The following L2HGDH variants were observed in gnomAD, a reference collection of about 807,000 sequenced individuals.
The protein encoded by L2HGDH is L-2-hydroxyglutarate dehydrogenase, mitochondrial.
In L2HGDH, 34 loss-of-function variants were observed where a neutral mutation model predicts 51.5. The ratio of observed to expected loss-of-function variants is 0.66; its 90% CI spans 0.50 to 0.88. The LOEUF (loss-of-function observed/expected upper bound fraction) is 0.88, where lower values mean the gene tolerates loss of function less well. L2HGDH is among the 40% of genes least tolerant of loss of function. The pLI is 0.00. For synonymous variants in L2HGDH, 198 were observed against 197.9 expected (o/e 1.00, Z -0.01); for missense variants, 558 against 571.9 (o/e 0.98, Z 0.25).
intron 7 of L2HGDH, among the ~76,000 whole-genome samples, chr14:50,268,893 G>A (rs17122336): frequency 0.032 from 4,812 of 152,212 alleles, 245 homozygotes; most frequent in African/African-American, 0.11. Context: ...CCAGAGAGAA[G>A]GTAGAATTCA....
chr14:50,253,126 A>G (rs1226902684), intron 9 of L2HGDH, among the ~76,000 whole-genome samples: 1 of 152,098 alleles, frequency 6.6e-6, no homozygotes, highest in South Asian at 2.1e-4. Flanking sequence ...ATCAATCACA[A>G]GAGGAATTTT....
In L2HGDH at chr14:50,244,793, C is replaced by G; in HGVS notation, c.*2265G>C. On this transcript the variant is annotated 3_prime_UTR_variant, in exon 10 of 10. Coordinates refer to ENST00000267436, the MANE Select transcript of L2HGDH (RefSeq NM_024884.3). The stretch of plus-strand genomic sequence containing the variant: ...AAAACAGAAACATTTTTCCTATCAA[C>G]CAAAATGCACATCCTTCTCACCCAT... 7 of 985,318 alleles carry G rather than the reference C, an allele frequency of 7.1e-6. No homozygotes were observed. The highest frequency in any genetic ancestry group is 8.4e-6 in the Non-Finnish European group (7 of 829,916). 61.0% of individuals were successfully genotyped at this position (985,318 alleles called of 1,614,324 possible).
chr14:50,254,524 C>A (rs765113106), intron 9 of L2HGDH, among the ~76,000 whole-genome samples: 17 of 151,996 alleles, frequency 1.1e-4, no homozygotes, highest in Non-Finnish European at 1.6e-4. Context: ...AACATCAGGA[C>A]CAGCCACTGA....
chr14:50,275,504 T>C (rs1329299814), intron 6 of L2HGDH, among the ~76,000 whole-genome samples: 1 of 152,222 alleles, frequency 6.6e-6, no homozygotes, highest in African/African-American at 2.4e-5. Context: ...TTCACCATCA[T>C]GGTATTTTAC....
intron 9 of L2HGDH, among the ~76,000 whole-genome samples, chr14:50,249,666 G>A (rs1261984498): frequency 2.6e-5 from 4 of 152,052 alleles, no homozygotes; most frequent in Admixed American, 1.3e-4. Flanking sequence ...CAAGGAGTGC[G>A]TCATGGGCCT....
Position 50,286,356 on chromosome 14 carries a change from A to T in L2HGDH, c.541-2323T>A, listed in dbSNP as rs186480913. On this transcript the variant is annotated intron_variant, in intron 4 of 9. Coordinates refer to ENST00000267436, the MANE Select transcript of L2HGDH (RefSeq NM_024884.3). ...AGCCCTGCTCTGCAAGAAGTACTTT[A>T]AAAAAAAATAAAAAGAGTTATCCTC... Among the ~76,000 whole-genome samples, 582 of 148,658 alleles carry T rather than the reference A, an allele frequency of 3.9e-3. 4 individuals carry two copies. Among genetic ancestry groups the T allele is most frequent in the African/African-American group, 0.014 (555 of 38,526 alleles).
chr14:50,305,487 A>G (rs996710967), intron 1 of L2HGDH, among the ~76,000 whole-genome samples: 2 of 152,216 alleles, frequency 1.3e-5, no homozygotes, highest in Non-Finnish European at 2.9e-5. Flanking sequence ...CAGTGGATAA[A>G]AGGTAAAGCA....
chr14:50,304,227 G>T (rs2030595742), intron 1 of L2HGDH, among the ~76,000 whole-genome samples: 1 of 152,130 alleles, frequency 6.6e-6, no homozygotes, highest in African/African-American at 2.4e-5. Flanking sequence ...GAAAAAATAT[G>T]GTATTATAAT....
Position 50,242,507 on chromosome 14 carries a change from A to T in L2HGDH, c.*4551T>A. On this transcript the variant is annotated 3_prime_UTR_variant, in exon 10 of 10. Transcript: ENST00000267436. The stretch of plus-strand genomic sequence containing the variant: ...ACAAGCAATTAACAACATCAACAAC[A>T]ACAACAAACCCACAATACTTTCTAG... 2.0e-6 allele frequency: 2 copies of T among 982,700 alleles called. No individual in the cohort carries two copies. The highest frequency in any genetic ancestry group is 2.4e-6 in the Non-Finnish European group (2 of 827,468). 60.9% of individuals were successfully genotyped at this position (982,700 alleles called of 1,614,324 possible). A position where few individuals can be genotyped will look rare whatever the true frequency, so the allele number is the denominator to read the frequency against.
intron 1 of L2HGDH, among the ~76,000 whole-genome samples, chr14:50,306,906 C>T (rs1482834330): frequency 1.3e-5 from 2 of 152,084 alleles, no homozygotes; most frequent in Non-Finnish European, 2.9e-5. Context: ...GCTTCCCACT[C>T]CCAGGTTCAA....
At chr14:50,307,182 T>C (rs2030781054) in intron 1 of L2HGDH, among the ~76,000 whole-genome samples, 1 of 152,184 alleles carries the variant, frequency 6.6e-6, no homozygotes, top group Non-Finnish European at 1.5e-5. Context: ...CTTAGAATTA[T>C]TACCTTGGTA....
At chr14:50,254,839 GAC>G (rs1232138259) in intron 9 of L2HGDH, among the ~76,000 whole-genome samples, 3 of 151,894 alleles carry the variant, frequency 2.0e-5, no homozygotes, top group Non-Finnish European at 2.9e-5. Context: ...AGGAGTTTGA[GAC>G]CAGCCTGGGC....
At chr14:50,259,168 T>C (rs1888847842) in intron 9 of L2HGDH, among the ~76,000 whole-genome samples, 1 of 151,350 alleles carries the variant, frequency 6.6e-6, no homozygotes, top group African/African-American at 2.4e-5. Flanking sequence ...TATTATTTTT[T>C]AGACATGTTG....
At chr14:50,306,598 G>A (rs965675116) in intron 1 of L2HGDH, among the ~76,000 whole-genome samples, 2 of 102,074 alleles carry the variant, frequency 2.0e-5, no homozygotes, top group African/African-American at 8.9e-5. Flanking sequence ...TTTTGTTTTG[G>A]GGTTTTTTTT....
chr14:50,247,617 T>C lies in L2HGDH; in HGVS notation c.1197-364A>G, dbSNP rs539808000. 6.6e-5 allele frequency among the ~76,000 whole-genome samples: 10 copies of C among 152,340 alleles called. No homozygotes were observed. The South Asian group carries it at 2.1e-3, about 32-fold the overall frequency. On this transcript the variant is annotated intron_variant, in intron 9 of 9. Transcript: ENST00000267436. ...AGAATGAATTTATTATAAAAATCAA[T>C]CAATGGCAACAATAAGCCTCATCTG...
At chr14:50,274,245 C>T (rs181005548) in intron 6 of L2HGDH, among the ~76,000 whole-genome samples, 46 of 151,170 alleles carry the variant, frequency 3.0e-4, no homozygotes, top group Non-Finnish European at 5.7e-4. Flanking sequence ...TGCCACTGGA[C>T]TTCAGCCTGG....
chr14:50,302,188 G>C lies in L2HGDH; in HGVS notation c.257-20C>G, dbSNP rs1315139086. On this transcript the variant is annotated intron_variant, in intron 2 of 9. Coordinates refer to ENST00000267436, the MANE Select transcript of L2HGDH (RefSeq NM_024884.3). ...GAACAGCTACAGAACAAGAGAAACA[G>C]GGTAAGAGTAAGTACATGATTCATA... 6.8e-6 allele frequency: 11 copies of C among 1,612,796 alleles called. No homozygotes were observed. The highest frequency in any genetic ancestry group is 9.3e-6 in the Non-Finnish European group (11 of 1,179,028).
intron 6 of L2HGDH, among the ~76,000 whole-genome samples, chr14:50,277,793 A>G (rs1890055267): frequency 7.1e-6 from 1 of 141,720 alleles, no homozygotes. Context: ...TAATAATAAT[A>G]ATAATAATAA....
At chr14:50,262,834 A>C (rs1889113695) in intron 9 of L2HGDH, among the ~76,000 whole-genome samples, 1 of 151,944 alleles carries the variant, frequency 6.6e-6, no homozygotes, top group Non-Finnish European at 1.5e-5. Flanking sequence ...TATAGGAATC[A>C]AGAGACGAAG....
Sources: allele counts gnomAD v4.1 joint callset (sites outside exome capture counted in the v4.1 genomes callset), GRCh38; gene constraint gnomAD v4.1.1; transcripts MANE v1.5; gene names NCBI Gene and HGNC (gene_info 2026-07-23, HGNC 2026-07-21).